Variants in SUMF1 observed in about 807,000 individuals in gnomAD.
SUMF1 encodes formylglycine-generating enzyme.
Under a neutral mutation model 47.6 loss-of-function variants are expected in SUMF1, and 48 were observed. That is an observed-to-expected ratio of 1.01 (90% CI 0.80 to 1.28). The LOEUF (loss-of-function observed/expected upper bound fraction) is 1.28. Ranked by LOEUF, SUMF1 falls within the 50% of genes most tolerant of loss-of-function variation. The pLI is 0.00. For missense variants in SUMF1, 571 were observed against 485.4 expected, an observed-to-expected ratio of 1.18 and a Z score of -1.66; for synonymous variants, 230 against 192.1, an observed-to-expected ratio of 1.20 and a Z score of -1.63.
intron 8 of SUMF1, among the ~76,000 whole-genome samples, chr3:4,290,610 C>T (rs310729): frequency 0.14 from 21,276 of 152,148 alleles, 1,858 homozygotes; most frequent in South Asian, 0.36. Flanking sequence ...AAATACTACC[C>T]GCTCCTCAAA....
chr3:4,193,335 T>C (rs577664539), intron 8 of SUMF1, among the ~76,000 whole-genome samples: 2 of 152,136 alleles, frequency 1.3e-5, no homozygotes, highest in Non-Finnish European at 2.9e-5. Flanking sequence ...GCCTTTATAA[T>C]AAGACTGTAA....
intron 8 of SUMF1, among the ~76,000 whole-genome samples, chr3:4,164,145 G>A (rs1694645821): frequency 6.6e-6 from 1 of 152,136 alleles, no homozygotes; most frequent in Non-Finnish European, 1.5e-5. Context: ...GGCATAACAA[G>A]AAAGGCATGT....
At chr3:4,318,849 C>T (rs566222341) in intron 8 of SUMF1, among the ~76,000 whole-genome samples, 6 of 152,022 alleles carry the variant, frequency 3.9e-5, no homozygotes, top group Non-Finnish European at 8.8e-5. Context: ...GAGGTTACAG[C>T]GAGCTGAGAT....
chr3:4,466,876 A>C, intron 1 of SUMF1, 100 bp downstream of exon 1: 2 of 1,510,562 alleles, frequency 1.3e-6, no homozygotes, highest in Non-Finnish European at 1.8e-6. Flanking sequence ...GTGTGGTTAT[A>C]ACCTTTACTT....
intron 7 of SUMF1, among the ~76,000 whole-genome samples, chr3:4,394,492 G>A (rs1299916670): frequency 6.6e-6 from 1 of 152,186 alleles, no homozygotes; most frequent in Admixed American, 6.5e-5. Flanking sequence ...AAAGTACATA[G>A]TATTTGGGGT....
rs541314525 is a variant in SUMF1, at chr3:4,162,676, G to T, written c.1015-93931C>A. 2.0e-5 allele frequency among the ~76,000 whole-genome samples: 3 copies of T among 152,252 alleles called. No homozygotes were observed. In the East Asian group the frequency reaches 5.8e-4, roughly 29 times the overall value. On this transcript the variant is annotated intron_variant and NMD_transcript_variant, in intron 8 of 12. Transcript: ENST00000448413. ...TCTGTCTTCATGCCATGCGGCTGTT[G>T]CCAGAAGGATGGGAGTGAGGTGGTG...
intron 6 of SUMF1, among the ~76,000 whole-genome samples, chr3:4,411,984 T>A (rs1190075148): frequency 6.6e-6 from 1 of 152,184 alleles, no homozygotes. Flanking sequence ...TGGTTTCACA[T>A]CTACCCATGA....
chr3:4,251,343 G>C (rs997169959), intron 8 of SUMF1, among the ~76,000 whole-genome samples: 1 of 152,214 alleles, frequency 6.6e-6, no homozygotes, highest in Non-Finnish European at 1.5e-5. Context: ...TTATGGATGA[G>C]TGAAGAAAGT....
At chr3:4,367,516 C>T (rs1427399071) in intron 8 of SUMF1, among the ~76,000 whole-genome samples, 6 of 151,616 alleles carry the variant, frequency 4.0e-5, no homozygotes, top group African/African-American at 1.5e-4. Flanking sequence ...AAAAAAGAGC[C>T]CGCATCACCA....
intron 7 of SUMF1, among the ~76,000 whole-genome samples, chr3:4,389,474 C>T (rs1421721440): frequency 6.6e-6 from 1 of 152,056 alleles, no homozygotes; most frequent in Admixed American, 6.5e-5. Flanking sequence ...GTTTGCTTAG[C>T]TCCTTGAATC....
intron 8 of SUMF1, among the ~76,000 whole-genome samples, chr3:4,204,048 T>A (rs1490129105): frequency 6.6e-6 from 1 of 152,110 alleles, no homozygotes; most frequent in African/African-American, 2.4e-5. Context: ...TATTCTGTAT[T>A]TATCTGTATA....
chr3:4,043,553 C>A (rs540765037), intron 9 of SUMF1, among the ~76,000 whole-genome samples: 1 of 152,098 alleles, frequency 6.6e-6, no homozygotes, highest in African/African-American at 2.4e-5. Flanking sequence ...CCTCTCCAGG[C>A]GCGAATTTAC....
chr3:4,440,422 T>C (rs1007861046), intron 3 of SUMF1, among the ~76,000 whole-genome samples: 11 of 152,172 alleles, frequency 7.2e-5, no homozygotes, highest in African/African-American at 2.4e-4. Context: ...GAGTGTGACC[T>C]TAGAATTCCG....
At chr3:4,173,584 G>A (rs1248008330) in intron 8 of SUMF1, among the ~76,000 whole-genome samples, 1 of 152,154 alleles carries the variant, frequency 6.6e-6, no homozygotes, top group African/African-American at 2.4e-5. Flanking sequence ...GCATACGTAT[G>A]TTTATTGAAG....
At chr3:4,407,629 G>A (rs1701416492) in intron 7 of SUMF1, among the ~76,000 whole-genome samples, 1 of 152,138 alleles carries the variant, frequency 6.6e-6, no homozygotes, top group African/African-American at 2.4e-5. Flanking sequence ...CAGTCCATTA[G>A]GGAAGAAAAG....
At chr3:4,050,311 C>T (rs1158684451) in intron 9 of SUMF1, among the ~76,000 whole-genome samples, 1 of 151,918 alleles carries the variant, frequency 6.6e-6, no homozygotes, top group African/African-American at 2.4e-5. Flanking sequence ...AAAAATACAT[C>T]TCCAAGGCAA....
At chr3:4,332,873 C>T (rs1365506372) in intron 8 of SUMF1, among the ~76,000 whole-genome samples, 1 of 152,094 alleles carries the variant, frequency 6.6e-6, no homozygotes, top group African/African-American at 2.4e-5. Context: ...CTATCCTGTA[C>T]CCATATAAAC....
intron 8 of SUMF1, among the ~76,000 whole-genome samples, chr3:4,145,982 G>C (rs1009592108): frequency 2.0e-5 from 3 of 152,062 alleles, no homozygotes; most frequent in Non-Finnish European, 2.9e-5. Context: ...CTAACAGAGA[G>C]GGAAAATCCA....
intron 8 of SUMF1, among the ~76,000 whole-genome samples, chr3:4,310,900 C>T (rs1220899866): frequency 6.6e-6 from 1 of 152,130 alleles, no homozygotes; most frequent in Non-Finnish European, 1.5e-5. Flanking sequence ...TTTACAAGTA[C>T]TTTTTAAAAT....
Sources: allele counts gnomAD v4.1 joint callset (sites outside exome capture counted in the v4.1 genomes callset), GRCh38; gene constraint gnomAD v4.1.1; transcripts MANE v1.5; gene names NCBI Gene and HGNC (gene_info 2026-07-23, HGNC 2026-07-21).